The following CLIP2 variants were observed in gnomAD, a reference collection of about 807,000 sequenced individuals.
The protein encoded by CLIP2 is CAP-Gly domain-containing linker protein 2.
In CLIP2, 41 loss-of-function variants were observed where a neutral mutation model predicts 111.7. That is an observed-to-expected ratio of 0.37 (90% CI 0.29 to 0.48). The LOEUF (loss-of-function observed/expected upper bound fraction) is 0.48. Ranked by LOEUF, CLIP2 falls within the 20% of genes least tolerant of loss-of-function variation. The pLI is 0.99. For missense variants in CLIP2, 1,160 were observed against 1,422.1 expected (o/e 0.82, Z 2.96); for synonymous variants, 660 against 644.2 (o/e 1.02, Z -0.37).
chr7:74,297,939 G>T (rs1191016400), intron 1 of CLIP2, among the ~76,000 whole-genome samples: 1 of 151,504 alleles, frequency 6.6e-6, no homozygotes, highest in Non-Finnish European at 1.5e-5. Flanking sequence ...GCACTTTAAT[G>T]CATTCATATA....
intron 16 of CLIP2, 91 bp from the exon 17 acceptor site, chr7:74,403,746 C>A: frequency 7.3e-7 from 1 of 1,375,700 alleles, no homozygotes; most frequent in Non-Finnish European, 1.0e-6. Context: ...CCCACCCGGC[C>A]CCAACTCCTT....
chr7:74,375,488 G>A (rs530578861), intron 9 of CLIP2, among the ~76,000 whole-genome samples: 4 of 145,816 alleles, frequency 2.7e-5, no homozygotes, highest in South Asian at 2.2e-4. Flanking sequence ...GGGAAGTAGA[G>A]GTTGCAGTGA....
intron 13 of CLIP2, among the ~76,000 whole-genome samples, chr7:74,391,843 G>A (rs1791300583): frequency 6.6e-6 from 1 of 151,850 alleles, no homozygotes; most frequent in Admixed American, 6.6e-5. Context: ...AAAAAAAAAG[G>A]TTAATTAATT....
intron 2 of CLIP2, among the ~76,000 whole-genome samples, chr7:74,326,018 C>T (rs890011749): frequency 1.3e-5 from 2 of 151,718 alleles, no homozygotes; most frequent in African/African-American, 4.8e-5. Flanking sequence ...GAGGGCAGAT[C>T]ACTTGAGGTC....
chr7:74,367,841 C>T (rs1790501235), intron 8 of CLIP2, among the ~76,000 whole-genome samples: 1 of 152,198 alleles, frequency 6.6e-6, no homozygotes, highest in Admixed American at 6.5e-5. Context: ...CTTTGGGAGC[C>T]TGAGACAGGA....
In CLIP2 at chr7:74,400,391, G is replaced by C. The variant is rs145897288; in HGVS notation, c.2902G>C (p.Asp968His). The change falls in exon 15 of 17, where the codon GAT (aspartate) becomes CAT (histidine). Residue 968 changes from aspartate (D) to histidine (H), a missense_variant. Asp to His is a moderately conservative substitution (Grantham distance 81, BLOSUM62 -1). Transcript: ENST00000223398. Reference sequence around the variant, plus strand: ...CCAGGACAAAGAGAAATCCCTGTCGGATCAGAGGCGCTACTCCCTCATCGA... The same window carrying C: ...CCAGGACAAAGAGAAATCCCTGTCGCATCAGAGGCGCTACTCCCTCATCGA... ...TGLDKEKSLS[D>H]QRRYSLIDRS... 3.3e-4 allele frequency: 539 copies of C among 1,611,492 alleles called. 1 individual carries two copies. The African/African-American group carries it at 6.4e-3, about 19-fold the overall frequency.
chr7:74,363,201 C>T (rs1790381866), intron 7 of CLIP2, among the ~76,000 whole-genome samples: 1 of 152,110 alleles, frequency 6.6e-6, no homozygotes, highest in Admixed American at 6.6e-5. Context: ...ACAGTTTCTC[C>T]ATGTTGGTCA....
At position 74,300,453 on chromosome 7, in the gene CLIP2, C is replaced by T. The variant is rs766168009; in HGVS notation, c.-68+10719C>T. On this transcript the variant is annotated intron_variant, in intron 1 of 16. Coordinates refer to ENST00000223398, the MANE Select transcript of CLIP2 (RefSeq NM_003388.5). ...CATGTTGCTGAAAAAGACATGATTT[C>T]ATTCTTTTTTTTTTTTTTTTGAGAC... 2.9e-3 allele frequency among the ~76,000 whole-genome samples: 393 copies of T among 133,584 alleles called. 3 individuals are homozygous for T. Among genetic ancestry groups the T allele is most frequent in the Non-Finnish European group, 4.0e-3 (258 of 63,778 alleles). 87.6% of individuals were successfully genotyped at this position (133,584 alleles called of 152,430 possible).
chr7:74,384,510 A>G (rs1050731708), intron 11 of CLIP2, among the ~76,000 whole-genome samples: 7 of 145,988 alleles, frequency 4.8e-5, no homozygotes, highest in Non-Finnish European at 8.9e-5. Flanking sequence ...CAGTGGTGCA[A>G]TCTTGGCTCA....
At chr7:74,359,574 C>T (rs1407228632) in intron 6 of CLIP2, among the ~76,000 whole-genome samples, 1 of 151,880 alleles carries the variant, frequency 6.6e-6, no homozygotes, top group Admixed American at 6.6e-5. Flanking sequence ...CCAGGATGGT[C>T]TCAATCTCCT....
At chr7:74,336,443 C>G (rs1308954060) in intron 2 of CLIP2, among the ~76,000 whole-genome samples, 1 of 151,966 alleles carries the variant, frequency 6.6e-6, no homozygotes, top group African/African-American at 2.4e-5. Context: ...GCCTCACAAT[C>G]ATGGTAGAAG....
intron 7 of CLIP2, among the ~76,000 whole-genome samples, chr7:74,361,620 C>T (rs1255586471): frequency 1.3e-5 from 2 of 152,238 alleles, no homozygotes; most frequent in East Asian, 1.9e-4. Context: ...TGGGCTCATG[C>T]GATCCTCCCA....
rs782117617 is a variant in CLIP2 at position 74,299,701 on chromosome 7, C to CT, written c.-68+9969dup. ...GTGCTGACTCGAGGCCCTTCTTCTT[C>CT]TTCTTTTTTTTTTTGAGACGGAGTT... On this transcript the variant is annotated intron_variant, in intron 1 of 16. Coordinates refer to ENST00000223398, the MANE Select transcript of CLIP2 (RefSeq NM_003388.5). Among the ~76,000 whole-genome samples, 142 of 149,252 alleles carry CT rather than the reference C, an allele frequency of 9.5e-4. 1 individual carries two copies. The highest frequency in any genetic ancestry group is 1.5e-3 in the South Asian group (7 of 4,740).
intron 1 of CLIP2, among the ~76,000 whole-genome samples, chr7:74,302,906 T>C (rs896256528): frequency 3.2e-4 from 48 of 152,222 alleles, no homozygotes; most frequent in African/African-American, 1.1e-3. Flanking sequence ...GCTCGGGATT[T>C]ATCCCCACCC....
At chr7:74,339,083 C>T (rs1416674661) in intron 3 of CLIP2, 79 bp downstream of exon 3, 5 of 1,418,216 alleles carry the variant, frequency 3.5e-6, no homozygotes, top group Non-Finnish European at 3.8e-6. Flanking sequence ...AAGCTGGACC[C>T]CCCTGGGCTG....
At chr7:74,352,818 A>G (rs1554307801) in intron 3 of CLIP2, among the ~76,000 whole-genome samples, 2 of 151,984 alleles carry the variant, frequency 1.3e-5, no homozygotes, top group Non-Finnish European at 2.9e-5. Flanking sequence ...AGACCAGCTC[A>G]GGCAACATAT....
intron 3 of CLIP2, 34 bp downstream of exon 3, chr7:74,339,038 C>T: frequency 6.4e-7 from 1 of 1,554,334 alleles, no homozygotes; most frequent in Non-Finnish European, 8.7e-7. Flanking sequence ...CTGGGCCCAG[C>T]TTCCCTTCCC....
intron 3 of CLIP2, among the ~76,000 whole-genome samples, chr7:74,344,120 G>A (rs371433630): frequency 1.3e-5 from 2 of 152,204 alleles, no homozygotes; most frequent in East Asian, 3.9e-4. Flanking sequence ...GTTTGATCCC[G>A]CCTGGCATTC....
chr7:74,297,793 G>A (rs549916703), intron 1 of CLIP2, among the ~76,000 whole-genome samples: 4 of 152,082 alleles, frequency 2.6e-5, no homozygotes, highest in African/African-American at 7.2e-5. Context: ...GGAGGAGGAC[G>A]AGAGTAGCGG....
Sources: allele counts gnomAD v4.1 joint callset (sites outside exome capture counted in the v4.1 genomes callset), GRCh38; gene constraint gnomAD v4.1.1; transcripts MANE v1.5; gene names NCBI Gene and HGNC (gene_info 2026-07-23, HGNC 2026-07-21).